Variants in METTL24 observed in about 807,000 individuals in gnomAD.
METTL24 encodes the protein probable methyltransferase-like protein 24.
METTL24 carries 29 observed loss-of-function variants against 32.7 expected under a neutral mutation model. That is an observed-to-expected ratio of 0.89 (90% confidence interval 0.66 to 1.21). METTL24 has a LOEUF of 1.21. Ranked by LOEUF, METTL24 falls within the 50% of genes most tolerant of loss-of-function variation. The pLI is 0.00. For synonymous variants in METTL24, 163 were observed against 179.5 expected (o/e 0.91, Z 0.73); for missense variants, 439 against 468.1 (o/e 0.94, Z 0.57).
chr6:110,337,825 T>C (rs931312960), intron 1 of METTL24, among the ~76,000 whole-genome samples: 3 of 152,252 alleles, frequency 2.0e-5, no homozygotes, highest in African/African-American at 7.2e-5. Flanking sequence ...AAGCCTCTAC[T>C]ATGTGCAAAA....
chr6:110,300,169 G>A (rs190811686), intron 3 of METTL24, among the ~76,000 whole-genome samples: 75 of 152,210 alleles, frequency 4.9e-4, no homozygotes, highest in African/African-American at 1.8e-3. Flanking sequence ...GCATTGATAG[G>A]ATGCAGGAGC....
At chr6:110,349,917 T>C (rs58921542) in intron 1 of METTL24, among the ~76,000 whole-genome samples, 50,908 of 152,062 alleles carry the variant, frequency 0.33, 8,590 homozygotes, top group African/African-American at 0.35. Flanking sequence ...CCTCCAGATA[T>C]GCCAGTGTAG....
chr6:110,318,243 TTTC>T (rs1185129340), intron 2 of METTL24, among the ~76,000 whole-genome samples: 1 of 152,248 alleles, frequency 6.6e-6, no homozygotes, highest in African/African-American at 2.4e-5. Context: ...ACTTTAAGCA[TTTC>T]TTCTTATTCT....
At chr6:110,320,424 A>G (rs1169181355) in intron 2 of METTL24, among the ~76,000 whole-genome samples, 1 of 152,168 alleles carries the variant, frequency 6.6e-6, no homozygotes, top group Non-Finnish European at 1.5e-5. Flanking sequence ...ATTGGTTAGT[A>G]AAAGATTCTG....
At chr6:110,281,648 C>CA (rs551905021) in intron 4 of METTL24, among the ~76,000 whole-genome samples, 5,033 of 115,866 alleles carry the variant, frequency 0.043, 129 homozygotes, top group Non-Finnish European at 0.057. Context: ...GACTCTGTCT[C>CA]AAAAAAAAAA....
intron 1 of METTL24, 50 bp from the exon 2 acceptor site, chr6:110,322,922 GGGA>G: frequency 1.4e-6 from 2 of 1,434,918 alleles, no homozygotes; most frequent in Admixed American, 1.7e-5. Context: ...GGAACTGGGT[GGGA>G]GGAGAAGGAC....
intron 2 of METTL24, among the ~76,000 whole-genome samples, chr6:110,319,433 A>ATAGC (rs1373679290): frequency 1.3e-5 from 2 of 151,896 alleles, no homozygotes; most frequent in African/African-American, 4.8e-5. Context: ...AGATAGATAG[A>ATAGC]TAGATAGATA....
chr6:110,321,537 G>C (rs1470890461), intron 2 of METTL24, among the ~76,000 whole-genome samples: 1 of 152,096 alleles, frequency 6.6e-6, no homozygotes, highest in Non-Finnish European at 1.5e-5. Flanking sequence ...ACAGTTAAAA[G>C]GTCCAGATTC....
chr6:110,246,032 A>G lies in METTL24; in HGVS notation c.1015T>C (p.Ser339Pro). ...FRLFHSYKDL[S>P]KPQLFLKKDI... ...TTCTTCAAGAATAGCTGAGGTTTAGATAAGTCTTTGTAACTGTGAAAAAGC... is the reference window on the plus strand; with the variant it reads ...TTCTTCAAGAATAGCTGAGGTTTAGGTAAGTCTTTGTAACTGTGAAAAAGC... The change falls in exon 5 of 5, where the codon TCT (serine) becomes CCT (proline). Residue 339 changes from serine (S) to proline (P), a missense_variant. Coordinates refer to ENST00000338882, the MANE Select transcript of METTL24 (RefSeq NM_001123364.3). The G allele has an allele frequency of 3.1e-6, 5 of 1,614,210 alleles. No homozygotes were observed. Among genetic ancestry groups the G allele is most frequent in the Non-Finnish European group, 4.2e-6 (5 of 1,180,032 alleles).
intron 4 of METTL24, among the ~76,000 whole-genome samples, chr6:110,283,476 G>A (rs1320950094): frequency 6.6e-6 from 1 of 152,168 alleles, no homozygotes; most frequent in Non-Finnish European, 1.5e-5. Flanking sequence ...CTATAGAAAG[G>A]AGGGCAGCTG....
rs563620334 is a variant in METTL24 at position 110,313,605 on chromosome 6, G to A, written c.557+1737C>T. 2.0e-5 allele frequency among the ~76,000 whole-genome samples: 3 copies of A among 152,282 alleles called. No homozygotes were observed. The South Asian group carries it at 6.2e-4, about 32-fold the overall frequency. On this transcript the variant is annotated intron_variant, in intron 3 of 4. Coordinates refer to ENST00000338882, the MANE Select transcript of METTL24 (RefSeq NM_001123364.3). ...AGAGGCAATTTGGAGCAAGAAAATA[G>A]GACCAACTTGCACGTGGTACTATGC...
At chr6:110,305,267 G>T (rs1420567430) in intron 3 of METTL24, among the ~76,000 whole-genome samples, 1 of 152,052 alleles carries the variant, frequency 6.6e-6, no homozygotes, top group Non-Finnish European at 1.5e-5. Context: ...ATAGGCATGG[G>T]CAAAGCCTTC....
At chr6:110,275,606 C>T (rs979116629) in intron 4 of METTL24, among the ~76,000 whole-genome samples, 2 of 152,192 alleles carry the variant, frequency 1.3e-5, no homozygotes, top group Admixed American at 6.5e-5. Flanking sequence ...TTGTCTCCTC[C>T]TAGAGACCAT....
Position 110,358,044 on chromosome 6 carries a change from G to T in METTL24, c.229C>A (p.Arg77Ser), listed in dbSNP as rs1406226686. 1.8e-6 allele frequency: 2 copies of T among 1,106,370 alleles called. No individual in the cohort carries two copies. The highest frequency in any genetic ancestry group is 2.2e-6 in the Non-Finnish European group (2 of 909,336). The allele number at this position is 1,106,370 out of a possible 1,614,324, so 68.5% of individuals were successfully genotyped here. A position where few individuals can be genotyped will look rare whatever the true frequency, so the allele number is the denominator to read the frequency against. ...GASRRQVTYV[R>S]SGRRAPPGGG... ...CCCGGCGGCGCCCGGCGACCGCTGC[G>T]CACGTAGGTCACCTGCCTCCTGCTG... Residue 77 changes from arginine (R) to serine (S), a missense_variant, in exon 1 of 5, where the codon CGC (arginine) becomes AGC (serine). Coordinates refer to ENST00000338882, the MANE Select transcript of METTL24 (RefSeq NM_001123364.3).
intron 4 of METTL24, among the ~76,000 whole-genome samples, chr6:110,274,798 C>CTT (rs1771018654): frequency 2.1e-5 from 2 of 95,788 alleles, no homozygotes; most frequent in African/African-American, 4.1e-5. Context: ...CCTTTTCGTT[C>CTT]TTTCTTTTTT....
chr6:110,253,931 C>A lies in METTL24; in HGVS notation c.787-7671G>T, dbSNP rs893557652. On this transcript the variant is annotated intron_variant, in intron 4 of 4. Coordinates refer to ENST00000338882, the MANE Select transcript of METTL24 (RefSeq NM_001123364.3). ...TCTGAAGGAGGTGACTGCAGGTCCCCAGGAGGGGTGAGGAGGATGGCAAGT... is the reference window on the plus strand; with the variant it reads ...TCTGAAGGAGGTGACTGCAGGTCCCAAGGAGGGGTGAGGAGGATGGCAAGT... 3.4e-6 allele frequency: 5 copies of A among 1,463,416 alleles called. No individual in the cohort carries two copies. In the Admixed American group the frequency reaches 9.2e-5, roughly 27 times the overall value. 90.7% of individuals were successfully genotyped at this position (1,463,416 alleles called of 1,614,324 possible). A position where few individuals can be genotyped will look rare whatever the true frequency, so the allele number is the denominator to read the frequency against.
intron 3 of METTL24, among the ~76,000 whole-genome samples, chr6:110,305,701 AATAG>A (rs1771615350): frequency 6.6e-6 from 1 of 152,026 alleles, no homozygotes; most frequent in Non-Finnish European, 1.5e-5. Flanking sequence ...GATGTGGTGA[AATAG>A]GAACGCTTTT....
chr6:110,358,140 C>T lies in METTL24; in HGVS notation c.133G>A (p.Ala45Thr), dbSNP rs1323817252. The T allele has an allele frequency of 2.0e-5, 23 of 1,146,800 alleles. No individual in the cohort carries two copies. Among genetic ancestry groups the T allele is most frequent in the Non-Finnish European group, 2.5e-5 (23 of 934,684 alleles). 71.0% of individuals were successfully genotyped at this position (1,146,800 alleles called of 1,614,324 possible). A position where few individuals can be genotyped will look rare whatever the true frequency, so the allele number is the denominator to read the frequency against. Reference sequence around the variant, plus strand: ...GGCCGCCAGGCCGGGCCCGGCGGGGCGCTGCGGGTGGGGGACCCGGGCCCG... The same window carrying T: ...GGCCGCCAGGCCGGGCCCGGCGGGGTGCTGCGGGTGGGGGACCCGGGCCCG... ...RAGPGSPTRS[A>T]PPGPAWRPPG... The change falls in exon 1 of 5, where the codon GCC becomes ACC. Residue 45 changes from alanine (A) to threonine (T), a missense_variant. Physicochemically the swap from Ala to Thr is moderately conservative, Grantham distance 58. Coordinates refer to ENST00000338882, the MANE Select transcript of METTL24 (RefSeq NM_001123364.3).
At position 110,251,150 on chromosome 6, in the gene METTL24, G is replaced by A. The variant is rs566205739; in HGVS notation, c.787-4890C>T. On this transcript the variant is annotated intron_variant, in intron 4 of 4. Coordinates refer to ENST00000338882, the MANE Select transcript of METTL24 (RefSeq NM_001123364.3). Reference sequence around the variant, plus strand: ...TCAAGGGGAGGTGAAATAGACTCCAGCCCTTGAGAGGAGGAGTGGCATACA... The same window carrying A: ...TCAAGGGGAGGTGAAATAGACTCCAACCCTTGAGAGGAGGAGTGGCATACA... 1.1e-3 allele frequency among the ~76,000 whole-genome samples: 168 copies of A among 152,340 alleles called. 1 individual carries two copies. The highest frequency in any genetic ancestry group is 1.9e-3 in the Non-Finnish European group (131 of 68,026).
Sources: allele counts gnomAD v4.1 joint callset (sites outside exome capture counted in the v4.1 genomes callset), GRCh38; gene constraint gnomAD v4.1.1; transcripts MANE v1.5; gene names NCBI Gene and HGNC (gene_info 2026-07-23, HGNC 2026-07-21).